RABGEF1: variants seen among roughly 807,000 people sequenced by gnomAD.
RABGEF1 encodes the protein rab5 GDP/GTP exchange factor.
A neutral mutation model predicts 57.3 loss-of-function variants in RABGEF1; 26 were observed. That is an observed-to-expected ratio of 0.45 (90% CI 0.33 to 0.63). RABGEF1 has a LOEUF of 0.63. RABGEF1 is among the 20% of genes least tolerant of loss of function. The probability of loss-of-function intolerance (pLI) is 0.02; values close to 1 mark genes in which losing one functional copy is unlikely to be tolerated. For synonymous variants in RABGEF1, 185 were observed against 210.7 expected (o/e 0.88, Z 1.06); for missense variants, 464 against 607.6 (o/e 0.76, Z 2.48).
chr7:66,662,944 G>A, the RABGEF1 span, among the ~76,000 whole-genome samples: 3 of 152,124 alleles, frequency 2.0e-5, no homozygotes, highest in African/African-American at 4.8e-5. Flanking sequence ...GCAGGTGTGC[G>A]TGTGCAGGCA....
At chr7:66,727,615 C>A (rs549037284) in intron 2 of RABGEF1, among the ~76,000 whole-genome samples, 13 of 152,350 alleles carry the variant, frequency 8.5e-5, no homozygotes, top group African/African-American at 2.9e-4. Flanking sequence ...GAGTCTGACA[C>A]CTGGCAAGGC....
intron 2 of RABGEF1, among the ~76,000 whole-genome samples, chr7:66,734,098 C>T (rs928714627): frequency 1.3e-5 from 2 of 152,224 alleles, no homozygotes; most frequent in African/African-American, 4.8e-5. Flanking sequence ...TCTAACGGGG[C>T]CCTGGGGACA....
At chr7:66,679,079 C>CGTTGGTTTGGCT (rs1421315658), upstream of RABGEF1, among the ~76,000 whole-genome samples, 1 of 152,182 alleles carries the variant, frequency 6.6e-6, no homozygotes, top group Non-Finnish European at 1.5e-5. Context: ...CCCATATTGA[C>CGTTGGTTTGGCT]GTTGGTTTGG....
rs544501680 is a variant in RABGEF1, at chr7:66,723,388, T to G, written c.-815+11164T>G. Reference sequence around the variant, plus strand: ...ATCCTGGAGTTTATAATGTGAATCTTTAACTTTTCACAATCTACCCTTACG... The same window carrying G: ...ATCCTGGAGTTTATAATGTGAATCTGTAACTTTTCACAATCTACCCTTACG... On this transcript the variant is annotated intron_variant and NMD_transcript_variant, in intron 2 of 9. Coordinates refer to the RABGEF1 transcript ENST00000607882. Among the ~76,000 whole-genome samples the G allele has an allele frequency of 2.0e-5, 3 of 152,332 alleles. No individual in the cohort carries two copies. In the East Asian group the frequency reaches 5.8e-4, roughly 29 times the overall value.
In RABGEF1 at chr7:66,687,003, A is replaced by G. The variant is rs532030485; in HGVS notation, c.-873+4745A>G. On this transcript the variant is annotated intron_variant and NMD_transcript_variant, in intron 1 of 9. Coordinates refer to the RABGEF1 transcript ENST00000607882. ...CGCCTGGCAAATTTTTTATATTTTT[A>G]GTAGAGACGGGGTTTCACTGTGTTA... 5.4e-5 allele frequency among the ~76,000 whole-genome samples: 8 copies of G among 147,432 alleles called. No homozygotes were observed. In the East Asian group the frequency reaches 1.6e-3, roughly 30 times the overall value.
At chr7:66,782,685 G>A (rs1020443775) in intron 3 of RABGEF1, among the ~76,000 whole-genome samples, 47 of 152,044 alleles carry the variant, frequency 3.1e-4, no homozygotes, top group African/African-American at 1.0e-3. Flanking sequence ...GACTTGAGTA[G>A]CTCAGTAGGA....
At chr7:66,704,670 G>C (rs1347814369) in intron 1 of RABGEF1, among the ~76,000 whole-genome samples, 3 of 152,104 alleles carry the variant, frequency 2.0e-5, no homozygotes, top group Non-Finnish European at 1.5e-5. Flanking sequence ...AATTAGCCGG[G>C]CGTGGTGGTG....
chr7:66,696,799 G>A (rs1792416096), intron 1 of RABGEF1, among the ~76,000 whole-genome samples: 1 of 152,026 alleles, frequency 6.6e-6, no homozygotes, highest in Non-Finnish European at 1.5e-5. Flanking sequence ...TGAGGTCCCT[G>A]TGTTCAGAGC....
chr7:66,805,911 A>ATT (rs397966748), intron 8 of RABGEF1, among the ~76,000 whole-genome samples: 19 of 140,974 alleles, frequency 1.3e-4, no homozygotes, highest in African/African-American at 2.1e-4. Context: ...CACCGGGCCA[A>ATT]TTTTTTTTTT....
chr7:66,737,668 A>G (rs1443098938), upstream of RABGEF1, among the ~76,000 whole-genome samples: 1 of 152,208 alleles, frequency 6.6e-6, no homozygotes, highest in East Asian at 1.9e-4. Flanking sequence ...GTCACTTAAC[A>G]CTAAAACGTG....
upstream of RABGEF1, among the ~76,000 whole-genome samples, chr7:66,678,662 T>C (rs1789481116): frequency 6.6e-6 from 1 of 151,698 alleles, no homozygotes; most frequent in Admixed American, 6.6e-5. Flanking sequence ...AACTCAGACA[T>C]TTTATTTATT....
At chr7:66,655,959 A>G in the RABGEF1 span, among the ~76,000 whole-genome samples, 5 of 152,160 alleles carry the variant, frequency 3.3e-5, no homozygotes, top group Non-Finnish European at 4.4e-5. Context: ...AGCACCGAGG[A>G]GGGAGTCGGG....
chr7:66,783,174 G>A (rs148785712), intron 3 of RABGEF1, among the ~76,000 whole-genome samples: 1 of 152,286 alleles, frequency 6.6e-6, no homozygotes, highest in East Asian at 1.9e-4. Context: ...ACGAAATGGT[G>A]GGTAAATAAT....
At chr7:66,801,516 CATCCCCACT>C (rs933098215) in intron 7 of RABGEF1, among the ~76,000 whole-genome samples, 1 of 152,152 alleles carries the variant, frequency 6.6e-6, no homozygotes, top group African/African-American at 2.4e-5. Context: ...ACCCCTTGGC[CATCCCCACT>C]ATCCCCCATG....
chr7:66,756,140 GA>G, intron 1 of RABGEF1: 4 of 1,038,992 alleles, frequency 3.8e-6, no homozygotes, highest in Non-Finnish European at 5.3e-6. Context: ...TAATGACATA[GA>G]AAAATGAGCA....
intron 2 of RABGEF1, among the ~76,000 whole-genome samples, chr7:66,715,579 T>G (rs1361760873): frequency 6.6e-6 from 1 of 152,266 alleles, no homozygotes; most frequent in African/African-American, 2.4e-5. Flanking sequence ...CAGGATTATG[T>G]AGAAGTATGT....
At chr7:66,751,032 CTTTTTT>C (rs765625657) in intron 1 of RABGEF1, among the ~76,000 whole-genome samples, 3 of 142,892 alleles carry the variant, frequency 2.1e-5, no homozygotes, top group African/African-American at 5.1e-5. Context: ...CTCTTTTTTT[CTTTTTT>C]TTTTTTTTGA....
intron 4 of RABGEF1, among the ~76,000 whole-genome samples, chr7:66,788,767 A>G (rs1277593743): frequency 6.6e-6 from 1 of 152,082 alleles, no homozygotes; most frequent in Non-Finnish European, 1.5e-5. Context: ...TCACCTGGCC[A>G]ACATAGTGAA....
chr7:66,761,618 T>TC, intron 1 of RABGEF1, among the ~76,000 whole-genome samples: 1 of 152,232 alleles, frequency 6.6e-6, no homozygotes. Context: ...ACACCAGCAT[T>TC]CGTCCCTCAG....
Sources: gnomAD v4.1 joint callset for allele counts (sites outside exome capture counted in the v4.1 genomes callset) on GRCh38, gnomAD v4.1.1 for gene constraint, MANE v1.5 for transcripts, NCBI Gene and HGNC (gene_info 2026-07-23, HGNC 2026-07-21) for gene names.